GALNS: variants seen among roughly 807,000 people sequenced by gnomAD.
The protein encoded by GALNS is galactosamine (N-acetyl)-6-sulfatase.
In GALNS, 65 loss-of-function variants were observed where a neutral mutation model predicts 65.9. The ratio of observed to expected loss-of-function variants is 0.99; its 90% CI spans 0.81 to 1.21. The LOEUF (loss-of-function observed/expected upper bound fraction) is 1.21. GALNS is among the 50% of genes most tolerant of loss of function. GALNS has a pLI of 0.00. For synonymous variants in GALNS, 346 were observed against 288.9 expected (o/e 1.20, Z -2.00); for missense variants, 776 against 700.7 (o/e 1.11, Z -1.21).
In GALNS at chr16:88,818,124, G is replaced by A. The variant is rs1383180641; in HGVS notation, c.1365C>T (p.Ser455=). The part of the protein sequence containing the change: ...GRDPGERFPL[S]FASAEYQEAL... Reference sequence around the variant, plus strand: ...CCTCCTGGTACTCGGCGCTGGCAAAGCTGGGGACAGAGAGCTCTGGTCACA... The same window carrying A: ...CCTCCTGGTACTCGGCGCTGGCAAAACTGGGGACAGAGAGCTCTGGTCACA... Residue 455 remains serine (S), a splice_region_variant and synonymous_variant, in exon 13 of 14, where the codon AGC becomes AGT. Transcript: ENST00000268695. 4.5e-6 allele frequency: 7 copies of A among 1,571,650 alleles called. No individual in the cohort carries two copies. The African/African-American group carries it at 5.4e-5, about 12-fold the overall frequency.
chr16:88,814,554 ATGCAGT>A (rs1455606128), intron 13 of GALNS, 29 bp from the exon 14 acceptor site: 1 of 1,550,746 alleles, frequency 6.4e-7, no homozygotes, highest in Admixed American at 2.0e-5. Context: ...GAAAAAGAAC[ATGCAGT>A]TATTCAAGCT....
rs567237176 is a variant in GALNS at position 88,823,486 on chromosome 16, G to A, written c.1243-776C>T. ...TGTGCCCAGGACGGCCCTCGCAGGC[G>A]GCAATGCCGGGGACCGATGCCCAGG... On this transcript the variant is annotated intron_variant, in intron 11 of 13. Transcript: ENST00000268695. 5.6e-3 allele frequency among the ~76,000 whole-genome samples: 854 copies of A among 151,978 alleles called. 7 individuals are homozygous for A. The highest frequency in any genetic ancestry group is 8.8e-3 in the Non-Finnish European group (598 of 67,926).
At chr16:88,833,260 C>T (rs1030215326) in intron 8 of GALNS, among the ~76,000 whole-genome samples, 1 of 152,232 alleles carries the variant, frequency 6.6e-6, no homozygotes, top group Non-Finnish European at 1.5e-5. Flanking sequence ...CGGGCAAACA[C>T]GCCAACACCC....
At chr16:88,825,130 G>A (rs1412345507) in intron 10 of GALNS, among the ~76,000 whole-genome samples, 3 of 142,124 alleles carry the variant, frequency 2.1e-5, no homozygotes, top group Middle Eastern at 3.8e-3. Context: ...GGGCTGGGGT[G>A]TCTGGGCGGC....
chr16:88,827,772 T>C (rs1911085157), intron 9 of GALNS, among the ~76,000 whole-genome samples: 1 of 152,142 alleles, frequency 6.6e-6, no homozygotes, highest in African/African-American at 2.4e-5. Context: ...GGCTCCAGGC[T>C]TGGGTCACTC....
At position 88,842,811 on chromosome 16, in the gene GALNS, C is replaced by T. The variant is rs199638097; in HGVS notation, c.139G>A (p.Gly47Arg). The T allele has an allele frequency of 1.2e-5, 19 of 1,613,282 alleles. No individual in the cohort carries two copies. The highest frequency in any genetic ancestry group is 1.6e-4 in the Middle Eastern group (1 of 6,084). ...LMDDMGWGDLGVYGEPSRETP... is the reference protein window; with the variant it reads ...LMDDMGWGDLRVYGEPSRETP... The stretch of plus-strand genomic sequence containing the variant: ...TCTCTGGAGGGCTCTCCATACACCC[C>T]GAGGTCACCCCATCCCATCTGCAGG... Residue 47 changes from glycine (G) to arginine (R), a missense_variant, in exon 2 of 14, where the codon GGG becomes AGG. Coordinates refer to ENST00000268695, the MANE Select transcript of GALNS (RefSeq NM_000512.5).
chr16:88,820,901 C>T (rs553060079), intron 12 of GALNS, among the ~76,000 whole-genome samples: 1 of 152,292 alleles, frequency 6.6e-6, no homozygotes, highest in East Asian at 1.9e-4. Context: ...CTGGGGCCTG[C>T]AATCTGCTCC....
At chr16:88,817,263 C>T in intron 13 of GALNS, 2 of 985,358 alleles carry the variant, frequency 2.0e-6, no homozygotes, top group Non-Finnish European at 2.4e-6. Context: ...ACGACGCATC[C>T]TTTGTGGCCT....
chr16:88,814,479 G>A lies in GALNS; in HGVS notation c.1529C>T (p.Pro510Leu), dbSNP rs1221501370. 2.6e-6 allele frequency: 4 copies of A among 1,563,652 alleles called. No homozygotes were observed. The highest frequency in any genetic ancestry group is 2.7e-5 in the African/African-American group (2 of 73,998). The change falls in exon 14 of 14, where the codon CCT becomes CTT. Residue 510 changes from proline (P) to leucine (L), a missense_variant. Coordinates refer to ENST00000268695, the MANE Select transcript of GALNS (RefSeq NM_000512.5). Reference protein sequence around the residue: ...GCEKLGKCLTPPESIPKKCLW... With the variant: ...GCEKLGKCLTLPESIPKKCLW... The stretch of plus-strand genomic sequence containing the variant: ...GCACTTCTTGGGAATGGATTCTGGA[G>A]GTGTCAGACACTTCCCTAACTTTTC...
At chr16:88,830,048 T>C (rs1911330712) in intron 9 of GALNS, among the ~76,000 whole-genome samples, 1 of 151,904 alleles carries the variant, frequency 6.6e-6, no homozygotes, top group Admixed American at 6.6e-5. Context: ...CTGGCCAACA[T>C]AGTGAAACTC....
intron 5 of GALNS, among the ~76,000 whole-genome samples, chr16:88,837,037 C>T (rs1261975018): frequency 6.6e-6 from 1 of 152,248 alleles, no homozygotes; most frequent in Non-Finnish European, 1.5e-5. Context: ...AGGCAGCAAG[C>T]TGGTGCTGCT....
chr16:88,849,725 T>G (rs749192771), intron 1 of GALNS, among the ~76,000 whole-genome samples: 6 of 152,030 alleles, frequency 3.9e-5, no homozygotes, highest in Non-Finnish European at 8.8e-5. Flanking sequence ...CGCCCAGCCC[T>G]GAGATGGTTT....
At chr16:88,815,360 C>A (rs942617244) in intron 13 of GALNS, 7 of 985,496 alleles carry the variant, frequency 7.1e-6, no homozygotes, top group Non-Finnish European at 8.4e-6. Flanking sequence ...CCCTCTCCTG[C>A]AGCTTCAGCC....
intron 9 of GALNS, among the ~76,000 whole-genome samples, chr16:88,827,886 C>A (rs138897456): frequency 6.6e-6 from 1 of 152,230 alleles, no homozygotes; most frequent in African/African-American, 2.4e-5. Flanking sequence ...CCCTGGAGCT[C>A]CCACCCAGTG....
chr16:88,822,741 G>C (rs1451596162), intron 11 of GALNS, 31 bp from the exon 12 acceptor site: 2 of 1,608,590 alleles, frequency 1.2e-6, no homozygotes, highest in Non-Finnish European at 1.7e-6. Flanking sequence ...GTGTGTCCTG[G>C]AGCCCCTGAC....
In GALNS at chr16:88,829,076, T is replaced by C. The variant is rs1005940023; in HGVS notation, c.1003-2238A>G. ...AGAGCTACACGGGTCCCGAGTCTCA[T>C]GCCAACGTCTCCCAGAGCTACACAG... is the stretch of plus-strand genomic sequence containing the variant. On this transcript the variant is annotated intron_variant, in intron 9 of 13. Coordinates refer to ENST00000268695, the MANE Select transcript of GALNS (RefSeq NM_000512.5). 5.5e-5 allele frequency among the ~76,000 whole-genome samples: 8 copies of C among 146,212 alleles called. No homozygotes were observed. The South Asian group carries it at 1.1e-3, about 20-fold the overall frequency.
intron 2 of GALNS, 160 bp downstream of exon 2, chr16:88,842,546 G>C (rs1967023896): frequency 1.1e-6 from 1 of 873,448 alleles, no homozygotes; most frequent in Non-Finnish European, 1.7e-6. Context: ...AGCCGGGCTG[G>C]GATTTGATGA....
At chr16:88,817,562 C>T (rs2142980336) in intron 13 of GALNS, 1 of 974,688 alleles carries the variant, frequency 1.0e-6, no homozygotes. Context: ...CCGGGCAGTG[C>T]CGTTCCTGCC....
chr16:88,850,698 C>T (rs1967467578), intron 1 of GALNS, among the ~76,000 whole-genome samples: 1 of 152,236 alleles, frequency 6.6e-6, no homozygotes, highest in South Asian at 2.1e-4. Flanking sequence ...AGCGTGGAAC[C>T]CTCCCCAGGC....
Sources: allele counts gnomAD v4.1 joint callset (sites outside exome capture counted in the v4.1 genomes callset), GRCh38; gene constraint gnomAD v4.1.1; transcripts MANE v1.5; gene names NCBI Gene and HGNC (gene_info 2026-07-23, HGNC 2026-07-21).